Variants in LUC7L observed in about 807,000 individuals in gnomAD.
The protein encoded by LUC7L is putative RNA-binding protein Luc7-like 1.
A neutral mutation model predicts 51.1 loss-of-function variants in LUC7L; 29 were observed. That is an observed-to-expected ratio of 0.57 (90% CI 0.42 to 0.77). LUC7L has a LOEUF of 0.77. Among genes scored for constraint, LUC7L ranks in the 30% least tolerant of loss-of-function variants. The pLI, the probability that LUC7L is intolerant of heterozygous loss-of-function variation, is 0.00. For synonymous variants in LUC7L, 181 were observed against 180.7 expected (o/e 1.00, Z -0.01); for missense variants, 403 against 511.9 (o/e 0.79, Z 2.05).
intron 2 of LUC7L, among the ~76,000 whole-genome samples, chr16:223,578 T>C (rs1227365977): frequency 6.6e-6 from 1 of 152,156 alleles, no homozygotes; most frequent in African/African-American, 2.4e-5. Context: ...ATAGAAGACT[T>C]AGAGATAGGA....
intron 1 of LUC7L, 68 bp downstream of exon 1, chr16:229,211 T>G (rs1375107584): frequency 2.0e-6 from 3 of 1,508,100 alleles, no homozygotes; most frequent in Admixed American, 4.2e-5. Context: ...GGCCCCCGCC[T>G]CAGGCCGCCC....
intron 4 of LUC7L, among the ~76,000 whole-genome samples, chr16:207,216 C>A (rs1011957353): frequency 5.3e-5 from 8 of 150,996 alleles, no homozygotes; most frequent in Non-Finnish European, 1.2e-4. Context: ...AAAAAAAAAA[C>A]CGACAATAAT....
chr16:208,799 A>C (rs2049556464), intron 3 of LUC7L: 1 of 169,982 alleles, frequency 5.9e-6, no homozygotes, highest in Admixed American at 6.5e-5. Context: ...TGTAGACGTC[A>C]AATTGCTTAC....
intron 6 of LUC7L, among the ~76,000 whole-genome samples, chr16:196,110 A>G (rs2049141660): frequency 6.6e-6 from 1 of 152,158 alleles, no homozygotes; most frequent in South Asian, 2.1e-4. Flanking sequence ...ATATTAAAAA[A>G]AAAATACTAC....
intron 3 of LUC7L, among the ~76,000 whole-genome samples, chr16:216,695 G>A (rs1228748046): frequency 1.3e-5 from 2 of 151,890 alleles, no homozygotes; most frequent in East Asian, 1.9e-4. Context: ...ATTTTAATAT[G>A]AGCCCCCTGT....
chr16:228,277 T>TG, intron 1 of LUC7L: 1 of 1,301,980 alleles, frequency 7.7e-7, no homozygotes. Flanking sequence ...AAGTTACTTG[T>TG]GAAAAAAAGC....
At chr16:196,701 T>G (rs2049158716) in intron 6 of LUC7L, among the ~76,000 whole-genome samples, 1 of 151,748 alleles carries the variant, frequency 6.6e-6, no homozygotes, top group African/African-American at 2.4e-5. Context: ...CTAATTTTTG[T>G]GTTTTCAGTA....
intron 5 of LUC7L, among the ~76,000 whole-genome samples, chr16:200,746 G>A (rs2049300257): frequency 1.3e-5 from 2 of 152,018 alleles, no homozygotes; most frequent in Non-Finnish European, 2.9e-5. Context: ...GCCCGCTGTG[G>A]TGGCACGTGC....
intron 2 of LUC7L, among the ~76,000 whole-genome samples, chr16:221,747 C>T (rs551335316): frequency 1.3e-5 from 2 of 152,188 alleles, no homozygotes; most frequent in East Asian, 3.9e-4. Context: ...AACAGTCTCA[C>T]TGCAACAAAT....
At position 216,916 on chromosome 16, in the gene LUC7L, G is replaced by A. The variant is rs538355509; in HGVS notation, c.255+3733C>T. Among the ~76,000 whole-genome samples, 65 of 151,750 alleles carry A rather than the reference G, an allele frequency of 4.3e-4. 1 individual carries two copies. Among genetic ancestry groups the A allele is most frequent in the African/African-American group, 1.5e-3 (62 of 41,382 alleles). On this transcript the variant is annotated intron_variant, in intron 3 of 9. Coordinates refer to ENST00000293872, the MANE Select transcript of LUC7L (RefSeq NM_201412.3). ...TCCCCATGTTGCCCAGGCTGGTCTT[G>A]AACTCCCGGGCTCAAGCAATCCTCC...
At chr16:206,363 G>A (rs538968822) in intron 4 of LUC7L, among the ~76,000 whole-genome samples, 4 of 152,282 alleles carry the variant, frequency 2.6e-5, no homozygotes, top group African/African-American at 7.2e-5. Flanking sequence ...TGTCACTTCC[G>A]ACATGCTTCC....
chr16:228,919 G>C (rs577187100), intron 1 of LUC7L: 8 of 1,364,118 alleles, frequency 5.9e-6, no homozygotes, highest in East Asian at 4.1e-5. Flanking sequence ...TCTGCCACCC[G>C]GCTGCCAGCG....
intron 5 of LUC7L, among the ~76,000 whole-genome samples, chr16:200,994 C>A (rs1387898522): frequency 6.6e-6 from 1 of 151,400 alleles, no homozygotes; most frequent in Non-Finnish European, 1.5e-5. Context: ...AAGGTGAAAC[C>A]CCGTCTCTAT....
At chr16:225,722 T>C (rs2050112802) in intron 2 of LUC7L, among the ~76,000 whole-genome samples, 1 of 151,070 alleles carries the variant, frequency 6.6e-6, no homozygotes, top group Non-Finnish European at 1.5e-5. Flanking sequence ...CAACCTCAGG[T>C]GATCCACCCG....
At chr16:195,884 A>C (rs2049135482) in intron 6 of LUC7L, among the ~76,000 whole-genome samples, 2 of 152,174 alleles carry the variant, frequency 1.3e-5, no homozygotes. Flanking sequence ...CCCTATCATT[A>C]AGAGGTGCAC....
chr16:199,699 A>C (rs1448174714), intron 5 of LUC7L, among the ~76,000 whole-genome samples: 2 of 136,066 alleles, frequency 1.5e-5, no homozygotes, highest in East Asian at 2.4e-4. Flanking sequence ...TGAACTCGGG[A>C]GGCGGAGGTT....
At chr16:190,770 C>T (rs2048991057) in intron 7 of LUC7L, 200 bp from the exon 8 acceptor site, 4 of 570,208 alleles carry the variant, frequency 7.0e-6, no homozygotes, top group South Asian at 4.7e-5. Context: ...ATCCCAGCTA[C>T]TCAGGAGACT....
chr16:223,218 G>A (rs940022250), intron 2 of LUC7L, among the ~76,000 whole-genome samples: 2 of 151,686 alleles, frequency 1.3e-5, no homozygotes, highest in Non-Finnish European at 2.9e-5. Flanking sequence ...AAAATTAGCT[G>A]GGCGCCTGTA....
At chr16:211,893 G>A (rs910726286) in intron 3 of LUC7L, among the ~76,000 whole-genome samples, 6 of 152,202 alleles carry the variant, frequency 3.9e-5, no homozygotes, top group Non-Finnish European at 5.9e-5. Flanking sequence ...CACTGACACA[G>A]GCCGGTGGTC....
Sources: gnomAD v4.1 joint callset for allele counts (sites outside exome capture counted in the v4.1 genomes callset) on GRCh38, gnomAD v4.1.1 for gene constraint, MANE v1.5 for transcripts, NCBI Gene and HGNC (gene_info 2026-07-23, HGNC 2026-07-21) for gene names.